The following CCDC60 variants were observed in gnomAD, a reference collection of about 807,000 sequenced individuals.
CCDC60 encodes the protein coiled-coil domain containing 60, also known as coiled-coil domain-containing protein 60.
In CCDC60, 54 loss-of-function variants were observed where a neutral mutation model predicts 63.5. The ratio of observed to expected loss-of-function variants is 0.85; its 90% CI spans 0.68 to 1.07. The LOEUF is 1.07. Ranked by LOEUF, CCDC60 falls within the 50% of genes least tolerant of loss-of-function variation. The pLI is 0.00. For synonymous variants in CCDC60, 206 were observed against 238.8 expected, an observed-to-expected ratio of 0.86 and a Z score of 1.27; for missense variants, 651 against 684.3, an observed-to-expected ratio of 0.95 and a Z score of 0.54.
At chr12:119,404,684 G>A (rs963343405) in intron 1 of CCDC60, among the ~76,000 whole-genome samples, 3 of 152,210 alleles carry the variant, frequency 2.0e-5, no homozygotes, top group Non-Finnish European at 1.5e-5. Flanking sequence ...GATGAGGACA[G>A]GTAGGTCTGT....
At chr12:119,344,617 A>G (rs1415684102) in intron 1 of CCDC60, among the ~76,000 whole-genome samples, 1 of 152,170 alleles carries the variant, frequency 6.6e-6, no homozygotes, top group African/African-American at 2.4e-5. Context: ...TGATACTGTC[A>G]TTCCCCTTGT....
At position 119,335,062 on chromosome 12, in the gene CCDC60, C is replaced by A. The variant is rs1323662737; in HGVS notation, c.-115C>A. 1.3e-6 allele frequency: 1 copy of A among 767,480 alleles called. No individual in the cohort carries two copies. The highest frequency in any genetic ancestry group is 1.8e-5 in the African/African-American group (1 of 56,708). 47.5% of individuals were successfully genotyped at this position (767,480 alleles called of 1,614,324 possible). On this transcript the variant is annotated 5_prime_UTR_variant, in exon 1 of 14. Coordinates refer to ENST00000327554, the MANE Select transcript of CCDC60 (RefSeq NM_178499.5). The stretch of plus-strand genomic sequence containing the variant: ...CGCTTTGGAGTTCGTGTAATTGGGA[C>A]TTGGGGATCAGGGAGAAGTTGCCGA...
chr12:119,428,707 A>G lies in CCDC60; in HGVS notation c.115A>G (p.Ile39Val), dbSNP rs745813827. 6.2e-7 allele frequency: 1 copy of G among 1,607,132 alleles called. No individual in the cohort carries two copies. The highest frequency in any genetic ancestry group is 8.5e-7 in the Non-Finnish European group (1 of 1,175,610). The stretch of plus-strand genomic sequence containing the variant: ...GGTCCCAGACAAGCCAATGAAGAGC[A>G]TCAAGTATATGGACAAGGAAATAAT... Reference protein sequence around the residue: ...RQVPDKPMKSIKYMDKEIINL... With the variant: ...RQVPDKPMKSVKYMDKEIINL... Residue 39 changes from isoleucine to valine, a missense_variant, in exon 2 of 14, where the codon ATC becomes GTC. Coordinates refer to ENST00000327554, the MANE Select transcript of CCDC60 (RefSeq NM_178499.5).
intron 11 of CCDC60, among the ~76,000 whole-genome samples, chr12:119,524,230 C>T (rs1952615852): frequency 6.6e-6 from 1 of 151,996 alleles, no homozygotes; most frequent in Admixed American, 6.5e-5. Context: ...CCAGAAGGGA[C>T]ATGGAGAATT....
chr12:119,383,192 T>C (rs998605889), intron 1 of CCDC60, among the ~76,000 whole-genome samples: 22 of 152,196 alleles, frequency 1.4e-4, no homozygotes, highest in Non-Finnish European at 2.2e-4. Context: ...GAGAATTACT[T>C]GAGCCCAGGA....
chr12:119,384,483 T>C (rs953161169), intron 1 of CCDC60, among the ~76,000 whole-genome samples: 1 of 152,296 alleles, frequency 6.6e-6, no homozygotes, highest in South Asian at 2.1e-4. Context: ...AAGAAATTAA[T>C]ACTTGGAGTC....
chr12:119,523,272 C>G (rs1053627333), intron 10 of CCDC60, among the ~76,000 whole-genome samples: 1 of 152,186 alleles, frequency 6.6e-6, no homozygotes, highest in Non-Finnish European at 1.5e-5. Context: ...AAAACCAATC[C>G]TATGAGGCAG....
intron 2 of CCDC60, among the ~76,000 whole-genome samples, chr12:119,445,022 AC>A (rs11362802): frequency 0.014 from 2,072 of 152,230 alleles, 42 homozygotes; most frequent in African/African-American, 0.047. Flanking sequence ...AAGTGAAAAT[AC>A]CCTCAACCTC....
chr12:119,458,827 ACCT>A (rs1950797905), intron 2 of CCDC60, among the ~76,000 whole-genome samples: 1 of 151,900 alleles, frequency 6.6e-6, no homozygotes, highest in African/African-American at 2.4e-5. Context: ...GCTCACAGTA[ACCT>A]CCACCTCCTG....
At chr12:119,526,845 C>T (rs1952690302) in intron 11 of CCDC60, among the ~76,000 whole-genome samples, 1 of 152,172 alleles carries the variant, frequency 6.6e-6, no homozygotes. Flanking sequence ...TTGTGGAAAG[C>T]AATATGGCTA....
At position 119,505,120 on chromosome 12, in the gene CCDC60, C is replaced by A. The variant is rs543248487; in HGVS notation, c.700C>A (p.Arg234=). 1 of 1,612,438 alleles carries A rather than the reference C, an allele frequency of 6.2e-7. No individual in the cohort carries two copies. The highest frequency in any genetic ancestry group is 8.5e-7 in the Non-Finnish European group (1 of 1,178,894). The change falls in exon 7 of 14, where the codon CGG becomes AGG. Residue 234 remains arginine (R), a synonymous_variant. Transcript: ENST00000327554. The part of the protein sequence containing the change: ...TMRVTNRKPS[R]RGSTLSLSRA... ...GCGAGTCACCAACCGCAAACCAAGC[C>A]GGCGAGGCTCCACACTCAGTCTGAG...
At chr12:119,439,704 A>T (rs111809970) in intron 2 of CCDC60, among the ~76,000 whole-genome samples, 26 of 152,292 alleles carry the variant, frequency 1.7e-4, no homozygotes, top group African/African-American at 6.3e-4. Flanking sequence ...GTAGTCACAG[A>T]TGTTTAAGAA....
chr12:119,443,653 AT>A (rs2136266386), intron 2 of CCDC60, among the ~76,000 whole-genome samples: 1 of 152,360 alleles, frequency 6.6e-6, no homozygotes, highest in Non-Finnish European at 1.5e-5. Context: ...ACAGGTATTA[AT>A]TTCCTCACGG....
intron 3 of CCDC60, 101 bp downstream of exon 3, chr12:119,472,265 C>T (rs1951077858): frequency 3.7e-6 from 4 of 1,089,492 alleles, no homozygotes; most frequent in Middle Eastern, 2.1e-4. Context: ...TCTCAGAGCA[C>T]GTGCCCCTTC....
At chr12:119,491,897 A>G (rs1951596981) in intron 5 of CCDC60, among the ~76,000 whole-genome samples, 1 of 152,134 alleles carries the variant, frequency 6.6e-6, no homozygotes. Flanking sequence ...TTGAGAAGAG[A>G]AAAAGGGCCA....
intron 2 of CCDC60, among the ~76,000 whole-genome samples, chr12:119,452,883 C>T (rs766368278): frequency 6.6e-6 from 1 of 152,038 alleles, no homozygotes; most frequent in Non-Finnish European, 1.5e-5. Flanking sequence ...AGTCCAGTGA[C>T]GTGATCTCGG....
At chr12:119,373,221 TA>T (rs1427893507) in intron 1 of CCDC60, among the ~76,000 whole-genome samples, 1 of 152,176 alleles carries the variant, frequency 6.6e-6, no homozygotes, top group Non-Finnish European at 1.5e-5. Context: ...GCTCAGAATA[TA>T]ACTCCAATTC....
intron 2 of CCDC60, among the ~76,000 whole-genome samples, chr12:119,430,913 T>A (rs1593076639): frequency 6.6e-6 from 1 of 152,214 alleles, no homozygotes; most frequent in Non-Finnish European, 1.5e-5. Flanking sequence ...GCTGGGATGT[T>A]CTTGCAGAGA....
chr12:119,397,008 C>T (rs1208760631), intron 1 of CCDC60, among the ~76,000 whole-genome samples: 7 of 152,192 alleles, frequency 4.6e-5, no homozygotes, highest in African/African-American at 7.2e-5. Context: ...GTCTCGCTGG[C>T]TTCAGGAGTG....
Sources: gnomAD v4.1 joint callset for allele counts (sites outside exome capture counted in the v4.1 genomes callset) on GRCh38, gnomAD v4.1.1 for gene constraint, MANE v1.5 for transcripts, NCBI Gene and HGNC (gene_info 2026-07-23, HGNC 2026-07-21) for gene names.